VAV3: variants seen among roughly 807,000 people sequenced by gnomAD.
The protein encoded by VAV3 is guanine nucleotide exchange factor VAV3.
A neutral mutation model predicts 131.2 loss-of-function variants in VAV3; 94 were observed. The observed-to-expected ratio is 0.72, with a 90% CI of 0.61 to 0.85. The LOEUF (loss-of-function observed/expected upper bound fraction) is 0.85. VAV3 is among the 40% of genes least tolerant of loss of function. VAV3 has a pLI of 0.00. For missense variants in VAV3, 939 were observed against 1,002.7 expected, an observed-to-expected ratio of 0.94 and a Z score of 0.86; for synonymous variants, 349 against 342.0, an observed-to-expected ratio of 1.02 and a Z score of -0.22.
chr1:107,623,499 T>C (rs573185579), intron 20 of VAV3, among the ~76,000 whole-genome samples: 10 of 152,354 alleles, frequency 6.6e-5, no homozygotes, highest in East Asian at 1.9e-4. Flanking sequence ...GCAAGGAACA[T>C]AGACTCTCAT....
At chr1:107,579,767 C>T (rs1261702480) in intron 25 of VAV3, among the ~76,000 whole-genome samples, 1 of 152,206 alleles carries the variant, frequency 6.6e-6, no homozygotes, top group Non-Finnish European at 1.5e-5. Context: ...CATGACAATT[C>T]ATAATCTGGC....
chr1:107,808,857 A>G (rs77097831), intron 2 of VAV3, among the ~76,000 whole-genome samples: 22,893 of 152,078 alleles, frequency 0.15, 1,958 homozygotes, highest in East Asian at 0.29. Context: ...CTGCTGTATC[A>G]AAATATTTAT....
Position 107,889,132 on chromosome 1 carries a change from A to AGTGTGTGTGTGTGT in VAV3, c.205-14129_205-14116dup, listed in dbSNP as rs5776903. 7.8e-3 allele frequency among the ~76,000 whole-genome samples: 1,102 copies of AGTGTGTGTGTGTGT among 142,008 alleles called. 9 individuals are homozygous for AGTGTGTGTGTGTGT. The highest frequency in any genetic ancestry group is 8.9e-3 in the African/African-American group (334 of 37,654). 93.2% of individuals were successfully genotyped at this position (142,008 alleles called of 152,430 possible). A position where few individuals can be genotyped will look rare whatever the true frequency, so the allele number is the denominator to read the frequency against. On this transcript the variant is annotated intron_variant, in intron 1 of 26. Transcript: ENST00000370056. Reference sequence around the variant, plus strand: ...TTTTGTTCCAAGTTCTCCTGTGTAGAGTGTGTGTGTGTGTGTGTGTGTGTG... The same window carrying AGTGTGTGTGTGTGT: ...TTTTGTTCCAAGTTCTCCTGTGTAGAGTGTGTGTGTGTGTGTGTGTGTGTGTGTGTGTGTGTGTG...
At chr1:107,945,535 C>T (rs1674209020) in intron 1 of VAV3, among the ~76,000 whole-genome samples, 1 of 151,976 alleles carries the variant, frequency 6.6e-6, no homozygotes, top group Non-Finnish European at 1.5e-5. Context: ...GTAGAAAAAT[C>T]AGTCACGTCC....
chr1:107,932,238 A>G (rs1315905927), intron 1 of VAV3, among the ~76,000 whole-genome samples: 1 of 152,236 alleles, frequency 6.6e-6, no homozygotes, highest in Non-Finnish European at 1.5e-5. Flanking sequence ...ACACAAGTTC[A>G]AGAGCGGGCA....
At chr1:107,780,866 T>C (rs971480987) in intron 2 of VAV3, among the ~76,000 whole-genome samples, 19 of 152,148 alleles carry the variant, frequency 1.2e-4, no homozygotes, top group African/African-American at 4.3e-4. Context: ...ACTCTCAAAA[T>C]TTTAACAAAC....
At chr1:107,738,212 G>A (rs1662789277) in intron 15 of VAV3, among the ~76,000 whole-genome samples, 1 of 152,140 alleles carries the variant, frequency 6.6e-6, no homozygotes, top group African/African-American at 2.4e-5. Flanking sequence ...TCTGGGGTGA[G>A]GGAATGGGGG....
chr1:107,772,677 A>G, intron 5 of VAV3, 58 bp downstream of exon 5: 1 of 1,397,088 alleles, frequency 7.2e-7, no homozygotes. Context: ...TTATTATGTT[A>G]ATTAGCCTTT....
chr1:107,608,029 T>C (rs963554214), intron 22 of VAV3, among the ~76,000 whole-genome samples: 8 of 152,010 alleles, frequency 5.3e-5, no homozygotes, highest in African/African-American at 1.4e-4. Flanking sequence ...TTAGTTTAAA[T>C]AGATTGTCCA....
intron 1 of VAV3, among the ~76,000 whole-genome samples, chr1:107,957,999 T>C (rs1252827277): frequency 6.6e-6 from 1 of 152,078 alleles, no homozygotes; most frequent in Non-Finnish European, 1.5e-5. Flanking sequence ...CCAGAGAACC[T>C]AGGTTAAGCC....
At chr1:107,760,280 C>T (rs920266929) in intron 10 of VAV3, among the ~76,000 whole-genome samples, 10 of 152,014 alleles carry the variant, frequency 6.6e-5, no homozygotes, top group Non-Finnish European at 1.0e-4. Context: ...GAAGACTAAC[C>T]GTGGAAACCA....
At chr1:107,766,991 T>C (rs1664768271) in intron 7 of VAV3, among the ~76,000 whole-genome samples, 1 of 152,236 alleles carries the variant, frequency 6.6e-6, no homozygotes, top group Non-Finnish European at 1.5e-5. Context: ...TATTTTTGTT[T>C]TATAATCACT....
At chr1:107,702,664 G>T (rs115595486) in intron 17 of VAV3, among the ~76,000 whole-genome samples, 1,527 of 152,068 alleles carry the variant, frequency 0.01, 30 homozygotes, top group African/African-American at 0.035. Context: ...TAACGTAAAA[G>T]TTAAAAAATT....
intron 15 of VAV3, among the ~76,000 whole-genome samples, chr1:107,735,678 A>G (rs72705632): frequency 0.3 from 45,426 of 152,066 alleles, 7,110 homozygotes; most frequent in African/African-American, 0.39. Context: ...ATTCCTGAAT[A>G]GACCAATAAC....
intron 2 of VAV3, among the ~76,000 whole-genome samples, chr1:107,825,649 A>G (rs1667979153): frequency 6.6e-6 from 1 of 152,042 alleles, no homozygotes; most frequent in Non-Finnish European, 1.5e-5. Context: ...GACCTTTCCT[A>G]CCCCAATGCC....
chr1:107,721,259 T>C (rs900778912), intron 15 of VAV3, among the ~76,000 whole-genome samples: 2 of 152,136 alleles, frequency 1.3e-5, no homozygotes, highest in African/African-American at 4.8e-5. Context: ...TTCAGCAGAA[T>C]AATTAAAGTA....
chr1:107,862,272 A>G (rs1056191573), intron 2 of VAV3, among the ~76,000 whole-genome samples: 1 of 151,436 alleles, frequency 6.6e-6, no homozygotes, highest in Non-Finnish European at 1.5e-5. Context: ...TGCTCATACC[A>G]CTACTGGTGC....
chr1:107,799,344 G>A (rs1390829195), intron 2 of VAV3, among the ~76,000 whole-genome samples: 6 of 147,484 alleles, frequency 4.1e-5, no homozygotes, highest in South Asian at 2.1e-4. Flanking sequence ...GTTCTATCAC[G>A]TAGAAAAAAT....
At chr1:107,600,437 G>T (rs557370313) in intron 24 of VAV3, among the ~76,000 whole-genome samples, 5 of 151,868 alleles carry the variant, frequency 3.3e-5, no homozygotes, top group Non-Finnish European at 7.4e-5. Context: ...CCTTTAACAC[G>T]CTGTGATACG....
Sources: allele counts gnomAD v4.1 joint callset (sites outside exome capture counted in the v4.1 genomes callset), GRCh38; gene constraint gnomAD v4.1.1; transcripts MANE v1.5; gene names NCBI Gene and HGNC (gene_info 2026-07-23, HGNC 2026-07-21).